The following BHLHE40 variants were observed in gnomAD, a reference collection of about 807,000 sequenced individuals.
The protein encoded by BHLHE40 is basic helix-loop-helix family member e40.
Under a neutral mutation model 35.7 loss-of-function variants are expected in BHLHE40, and 3 were observed. The ratio of observed to expected loss-of-function variants is 0.08; its 90% CI spans 0.04 to 0.22. The LOEUF (loss-of-function observed/expected upper bound fraction) is 0.22, where lower values mean the gene tolerates loss of function less well. BHLHE40 is among the 10% of genes least tolerant of loss of function. The pLI, the probability that BHLHE40 is intolerant of heterozygous loss-of-function variation, is 1.00. For missense variants in BHLHE40, 486 were observed against 524.0 expected (o/e 0.93, Z 0.71); for synonymous variants, 236 against 213.0 (o/e 1.11, Z -0.94).
intron 3 of BHLHE40, 80 bp downstream of exon 3, chr3:4,980,488 C>CG (rs2106496467): frequency 6.0e-6 from 7 of 1,176,130 alleles, no homozygotes; most frequent in East Asian, 2.5e-5. Context: ...GCAGGTTCCG[C>CG]GGGGAACTGC....
chr3:4,981,241 T>C (rs2053193753), intron 3 of BHLHE40, 151 bp from the exon 4 acceptor site: 3 of 726,354 alleles, frequency 4.1e-6, no homozygotes, highest in Non-Finnish European at 6.5e-6. Context: ...TCTGTCTATC[T>C]TTTTAAAAGC....
chr3:4,980,825 T>G (rs2053187035), intron 3 of BHLHE40, among the ~76,000 whole-genome samples: 1 of 152,130 alleles, frequency 6.6e-6, no homozygotes, highest in Non-Finnish European at 1.5e-5. Context: ...GGCCTGTCCT[T>G]TCTTGACAGT....
In BHLHE40 at chr3:4,982,984, G is replaced by C; in HGVS notation, c.531G>C (p.Arg177=). 3 of 1,613,182 alleles carry C rather than the reference G, an allele frequency of 1.9e-6. No homozygotes were observed. The highest frequency in any genetic ancestry group is 2.5e-6 in the Non-Finnish European group (3 of 1,179,206). Residue 177 remains arginine (R), a synonymous_variant, in exon 5 of 5, where the codon CGG becomes CGC. Transcript: ENST00000256495. ...CGCAGCTTGTCACCCACCTCCACCG[G>C]GTGGTCTCGGAGCTGCTGCAGGGTG... is the stretch of plus-strand genomic sequence containing the variant. ...KSSQLVTHLH[R]VVSELLQGGT...
At position 4,983,731 on chromosome 3, in the gene BHLHE40, G is replaced by A. The variant is rs751465731; in HGVS notation, c.*39G>A. On this transcript the variant is annotated 3_prime_UTR_variant, in exon 5 of 5. Coordinates refer to ENST00000256495, the MANE Select transcript of BHLHE40 (RefSeq NM_003670.3). The surrounding 1 kb of genome is among the most constrained non-coding windows in gnomAD (Gnocchi z 5.0). ...TCCTGCTGCTTTGCTTTCCTTCCTC[G>A]CTACTTCCTAAAAAGCAACAAAAAA... 2.2e-5 allele frequency: 34 copies of A among 1,540,568 alleles called. No homozygotes were observed. The highest frequency in any genetic ancestry group is 8.5e-5 in the Admixed American group (4 of 47,246).
In BHLHE40 at chr3:4,983,229, C is replaced by T. The variant is rs763083978; in HGVS notation, c.776C>T (p.Pro259Leu). The stretch of plus-strand genomic sequence containing the variant: ...AAGGGCGACTTGCGCAGTGAGCAGC[C>T]GTGCTTCAAAAGTGACCACGGACGC... ...SEKGDLRSEQ[P>L]CFKSDHGRRF... Residue 259 changes from proline (P) to leucine (L), a missense_variant, in exon 5 of 5, where the codon CCG (proline) becomes CTG (leucine). Pro to Leu is a moderately conservative substitution (Grantham distance 98). Around this residue, in one of 5 missense-constraint regions of BHLHE40, gnomAD observed 206 missense variants for 208.9 expected, o/e 0.99. Coordinates refer to ENST00000256495, the MANE Select transcript of BHLHE40 (RefSeq NM_003670.3). The surrounding 1 kb of genome is among the most constrained non-coding windows in gnomAD (Gnocchi z 5.0). 12 of 1,614,028 alleles carry T rather than the reference C, an allele frequency of 7.4e-6. No individual in the cohort carries two copies. The highest frequency in any genetic ancestry group is 3.3e-5 in the Admixed American group (2 of 60,002).
In BHLHE40 at chr3:4,983,379, C is replaced by T. The variant is rs760981079; in HGVS notation, c.926C>T (p.Ser309Phe). ...TTCACTAGCAGTGACCTGATCAGCT[C>T]CCCGTTCCTGGGCCCACACCCACAC... ...GHFTSSDLIS[S>F]PFLGPHPHQP... is the part of the protein sequence containing the mutation. The change falls in exon 5 of 5, where the codon TCC becomes TTC. Residue 309 changes from serine (S) to phenylalanine (F), a missense_variant. By Grantham distance (155) the Ser-to-Phe change is radical. Around this residue, in one of 5 missense-constraint regions of BHLHE40, gnomAD observed 206 missense variants for 208.9 expected, o/e 0.99. Coordinates refer to ENST00000256495, the MANE Select transcript of BHLHE40 (RefSeq NM_003670.3). The surrounding 1 kb of genome is among the most constrained non-coding windows in gnomAD (Gnocchi z 5.0). The T allele has an allele frequency of 6.2e-7, 1 of 1,614,190 alleles. No homozygotes were observed. The highest frequency in any genetic ancestry group is 8.5e-7 in the Non-Finnish European group (1 of 1,180,038).
At position 4,983,143 on chromosome 3, in the gene BHLHE40, G is replaced by C. The variant is rs34122820; in HGVS notation, c.690G>C (p.Ser230=). 1.2e-6 allele frequency: 2 copies of C among 1,614,004 alleles called. No individual in the cohort carries two copies. Among genetic ancestry groups the C allele is most frequent in the Non-Finnish European group, 1.7e-6 (2 of 1,180,008 alleles). ...VPVIQRTFAH[S]SGEQSGSDTD... ...TCATCCAGCGGACTTTCGCTCACTC[G>C]AGTGGGGAGCAGAGCGGCAGCGACA... Residue 230 remains serine, a synonymous_variant, in exon 5 of 5, where the codon TCG becomes TCC. Transcript: ENST00000256495. The surrounding 1 kb of genome is among the most constrained non-coding windows in gnomAD (Gnocchi z 5.0).
intron 4 of BHLHE40, among the ~76,000 whole-genome samples, 171 bp from the exon 5 acceptor site, chr3:4,982,665 C>A (rs548553007): frequency 6.6e-6 from 1 of 151,920 alleles, no homozygotes; most frequent in Admixed American, 6.6e-5. Context: ...ATTATTTATA[C>A]TTTTCAGTGT....
chr3:4,982,604 C>T (rs2053207659), intron 4 of BHLHE40, among the ~76,000 whole-genome samples: 1 of 152,182 alleles, frequency 6.6e-6, no homozygotes, highest in Non-Finnish European at 1.5e-5. Context: ...GGATATTATG[C>T]AACCATTAAA....
In BHLHE40 at chr3:4,979,773, G is replaced by A; in HGVS notation, c.55G>A (p.Gly19Arg). The change falls in exon 1 of 5, where the codon GGA becomes AGA. Residue 19 changes from glycine to arginine, a missense_variant. By Grantham distance (125) the Gly-to-Arg change is moderately radical. This residue lies in a region of BHLHE40 where 87 missense variants were observed against 66.7 expected (regional missense o/e 1.30). Coordinates refer to ENST00000256495, the MANE Select transcript of BHLHE40 (RefSeq NM_003670.3). ...PPPACLPKAP[G>R]LEHGDLPGMY... ...CCCCGCCTGCCTGCCCAAAGCACCG[G>A]GACTGGAGCACGGAGACCTACCAGG... 1 of 1,589,598 alleles carries A rather than the reference G, an allele frequency of 6.3e-7. No homozygotes were observed. Among genetic ancestry groups the A allele is most frequent in the Non-Finnish European group, 8.6e-7 (1 of 1,168,034 alleles).
In BHLHE40 at chr3:4,984,213, G is replaced by C. The variant is rs1290553982; in HGVS notation, c.*521G>C. The C allele has an allele frequency of 6.5e-6, 1 of 154,504 alleles. No homozygotes were observed. Among genetic ancestry groups the C allele is most frequent in the Non-Finnish European group, 1.4e-5 (1 of 69,490 alleles). The allele number at this position is 154,504 out of a possible 1,614,324, so 9.6% of individuals were successfully genotyped here. ...TGACTCACCAGACGTCGGGGAGAGA[G>C]AGCAGTCAGACCGAGCTTTCTGCTA... On this transcript the variant is annotated 3_prime_UTR_variant, in exon 5 of 5. Coordinates refer to ENST00000256495, the MANE Select transcript of BHLHE40 (RefSeq NM_003670.3).
In BHLHE40 at chr3:4,984,982, T is replaced by G. The variant is rs2053234178; in HGVS notation, c.*1290T>G. The G allele has an allele frequency of 2.0e-5, 3 of 152,472 alleles. No homozygotes were observed. The South Asian group carries it at 6.2e-4, about 32-fold the overall frequency. 9.4% of individuals were successfully genotyped at this position (152,472 alleles called of 1,614,324 possible). ...GATGTTTATTTGTATAATTACTTGA[T>G]TCACACAGTGAGAAAAAATGAATGT... is the stretch of plus-strand genomic sequence containing the variant. On this transcript the variant is annotated 3_prime_UTR_variant, in exon 5 of 5. Coordinates refer to ENST00000256495, the MANE Select transcript of BHLHE40 (RefSeq NM_003670.3).
intron 3 of BHLHE40, among the ~76,000 whole-genome samples, chr3:4,981,155 A>G (rs2053191036): frequency 7.0e-6 from 1 of 142,594 alleles, no homozygotes; most frequent in African/African-American, 2.6e-5. Context: ...TTTTTAAATT[A>G]TTTAATTATA....
At chr3:4,981,709 C>T (rs550492563) in intron 4 of BHLHE40, 194 bp downstream of exon 4, 16 of 624,540 alleles carry the variant, frequency 2.6e-5, no homozygotes, top group Middle Eastern at 4.5e-4. Context: ...GGCATGAATA[C>T]GTATTAGTGA....
Position 4,983,233 on chromosome 3 carries a change from C to G in BHLHE40, c.780C>G (p.Cys260Trp). The change falls in exon 5 of 5, where the codon TGC (cysteine) becomes TGG (tryptophan). Residue 260 changes from cysteine to tryptophan, a missense_variant. By Grantham distance (215) the Cys-to-Trp change is radical. Coordinates refer to ENST00000256495, the MANE Select transcript of BHLHE40 (RefSeq NM_003670.3). The surrounding 1 kb of genome is among the most constrained non-coding windows in gnomAD (Gnocchi z 5.0). ...GCGACTTGCGCAGTGAGCAGCCGTG[C>G]TTCAAAAGTGACCACGGACGCAGGT... ...EKGDLRSEQP[C>W]FKSDHGRRFT... 6.2e-7 allele frequency: 1 copy of G among 1,614,222 alleles called. No individual in the cohort carries two copies. Among genetic ancestry groups the G allele is most frequent in the South Asian group, 1.1e-5 (1 of 91,092 alleles).
intron 3 of BHLHE40, among the ~76,000 whole-genome samples, chr3:4,981,142 G>GT (rs1158020919): frequency 1.4e-5 from 2 of 147,772 alleles, no homozygotes; most frequent in African/African-American, 5.0e-5. Context: ...GGTGGCACCC[G>GT]TTTTTTTAAA....
In BHLHE40 at chr3:4,983,641, G is replaced by T. The variant is rs1334543772; in HGVS notation, c.1188G>T (p.Leu396Phe). 6.2e-7 allele frequency: 1 copy of T among 1,613,768 alleles called. No homozygotes were observed. The highest frequency in any genetic ancestry group is 8.5e-7 in the Non-Finnish European group (1 of 1,179,948). The part of the protein sequence containing the change: ...PAHPSVDSSV[L>F]LQALKPIPPL... ...ATCCGTCCGTCGACTCTTCTGTCTT[G>T]CTCCAAGCTCTGAAGCCAATCCCCC... The change falls in exon 5 of 5, where the codon TTG (leucine) becomes TTT (phenylalanine). Residue 396 changes from leucine to phenylalanine, a missense_variant. Physicochemically the swap from Leu to Phe is conservative, Grantham distance 22 (BLOSUM62 0). This residue lies in a region of BHLHE40 where 206 missense variants were observed against 208.9 expected (regional missense o/e 0.99). Coordinates refer to ENST00000256495, the MANE Select transcript of BHLHE40 (RefSeq NM_003670.3). This position sits in a 1 kb window ranked among gnomAD's most constrained non-coding sequence, Gnocchi z 5.0.
Position 4,979,738 on chromosome 3 carries a change from C to T in BHLHE40, c.20C>T (p.Ala7Val). Residue 7 changes from alanine (A) to valine (V), a missense_variant, in exon 1 of 5, where the codon GCG becomes GTG. Physicochemically the swap from Ala to Val is moderately conservative, Grantham distance 64. This residue lies in a region of BHLHE40 where 87 missense variants were observed against 66.7 expected (regional missense o/e 1.30). Transcript: ENST00000256495. ...CGCGCCATGGAGCGGATCCCCAGCG[C>T]GCAACCACCCCCCGCCTGCCTGCCC... MERIPS[A>V]QPPPACLPKA... is the part of the protein sequence containing the mutation. 2 of 1,570,144 alleles carry T rather than the reference C, an allele frequency of 1.3e-6. 1 individual carries two copies. The highest frequency in any genetic ancestry group is 2.3e-5 in the South Asian group (2 of 86,012).
intron 2 of BHLHE40, 127 bp downstream of exon 2, chr3:4,980,158 G>T: frequency 8.6e-7 from 1 of 1,161,182 alleles, no homozygotes; most frequent in Non-Finnish European, 1.3e-6. Context: ...TCTTCTGAGT[G>T]ACTTGGAAAA....
Sources: allele counts gnomAD v4.1 joint callset (sites outside exome capture counted in the v4.1 genomes callset), GRCh38; gene constraint gnomAD v4.1.1; regional missense constraint gnomAD v4.1.1; non-coding constraint Gnocchi (gnomAD v3.1); transcripts MANE v1.5; gene names NCBI Gene and HGNC (gene_info 2026-07-23, HGNC 2026-07-21).